The following PAPPA2 variants were observed in gnomAD, a reference collection of about 807,000 sequenced individuals.
PAPPA2 encodes pappalysin-2.
Under a neutral mutation model 176.4 loss-of-function variants are expected in PAPPA2, and 86 were observed. That is an observed-to-expected ratio of 0.49 (90% CI 0.41 to 0.58). The LOEUF is 0.58. Among genes scored for constraint, PAPPA2 ranks in the 20% least tolerant of loss-of-function variants. The pLI is 0.00. For synonymous variants in PAPPA2, 809 were observed against 852.2 expected, an observed-to-expected ratio of 0.95 and a Z score of 0.88; for missense variants, 2,073 against 2,256.9, an observed-to-expected ratio of 0.92 and a Z score of 1.65.
chr1:176,794,342 G>T lies in PAPPA2; in HGVS notation c.5130+673G>T, dbSNP rs1015618333. ...GTGAGGGTAATATCTAGCTTGCATG[G>T]TTGTTATTAAATTTAAAATAACACA... On this transcript the variant is annotated intron_variant, in intron 20 of 22. Coordinates refer to ENST00000367662, the MANE Select transcript of PAPPA2 (RefSeq NM_020318.3). Among the ~76,000 whole-genome samples the T allele has an allele frequency of 3.3e-5, 5 of 152,238 alleles. No homozygotes were observed. In the East Asian group the frequency reaches 9.7e-4, roughly 29 times the overall value.
chr1:176,663,064 T>C (rs953467924), intron 3 of PAPPA2, among the ~76,000 whole-genome samples: 9 of 152,130 alleles, frequency 5.9e-5, no homozygotes, highest in African/African-American at 2.2e-4. Flanking sequence ...CACGCAGGGA[T>C]CATCTCACTT....
chr1:176,762,937 A>G (rs377415283), intron 14 of PAPPA2, among the ~76,000 whole-genome samples: 6 of 152,308 alleles, frequency 3.9e-5, no homozygotes, highest in African/African-American at 1.4e-4. Flanking sequence ...AGTTCTTCCA[A>G]CTTATACATA....
rs983425997 is a variant in PAPPA2, at chr1:176,662,043, T to C, written c.1992-8927T>C. On this transcript the variant is annotated intron_variant, in intron 3 of 22. Coordinates refer to ENST00000367662, the MANE Select transcript of PAPPA2 (RefSeq NM_020318.3). ...CTGAGCTCCTTGAAAACAAGAGCCG[T>C]GTCTTCTGTATCTTTTCATTGCCAG... is the stretch of plus-strand genomic sequence containing the variant. 2.0e-5 allele frequency among the ~76,000 whole-genome samples: 3 copies of C among 152,188 alleles called. No individual in the cohort carries two copies. In the East Asian group the frequency reaches 5.8e-4, roughly 29 times the overall value.
intron 2 of PAPPA2, among the ~76,000 whole-genome samples, chr1:176,587,429 C>A (rs2102638882): frequency 6.6e-6 from 1 of 152,240 alleles, no homozygotes; most frequent in South Asian, 2.1e-4. Flanking sequence ...TGGGGTTTTA[C>A]ATTTAAGTCT....
At chr1:176,617,647 C>CATATATATATATATATATAT (rs150600721) in intron 3 of PAPPA2, among the ~76,000 whole-genome samples, 54 of 147,900 alleles carry the variant, frequency 3.7e-4, no homozygotes, top group African/African-American at 1.2e-3. Flanking sequence ...TTCCATGGCG[C>CATATATATATATATATATAT]ATATATATAT....
intron 1 of PAPPA2, among the ~76,000 whole-genome samples, chr1:176,496,591 T>C (rs759798762): frequency 1.2e-4 from 19 of 152,132 alleles, no homozygotes; most frequent in Non-Finnish European, 2.8e-4. Flanking sequence ...TGGAAGTTCC[T>C]TACTTTGTCC....
At chr1:176,651,868 G>A (rs965183933) in intron 3 of PAPPA2, among the ~76,000 whole-genome samples, 43 of 151,408 alleles carry the variant, frequency 2.8e-4, no homozygotes, top group Middle Eastern at 3.4e-3. Context: ...GTATTTTCAA[G>A]TAATCTGTCT....
At chr1:176,641,965 C>T (rs1303670559) in intron 3 of PAPPA2, among the ~76,000 whole-genome samples, 2 of 151,848 alleles carry the variant, frequency 1.3e-5, no homozygotes, top group Admixed American at 6.6e-5. Flanking sequence ...CCTAGAACTG[C>T]CATTTGACTC....
intron 1 of PAPPA2, among the ~76,000 whole-genome samples, chr1:176,512,231 A>G (rs1371613943): frequency 2.0e-5 from 3 of 151,462 alleles, no homozygotes; most frequent in Non-Finnish European, 4.4e-5. Context: ...CAAAAAAAAA[A>G]AAAAAAAAAA....
At chr1:176,491,877 G>T (rs897056702) in intron 1 of PAPPA2, among the ~76,000 whole-genome samples, 3 of 152,164 alleles carry the variant, frequency 2.0e-5, no homozygotes, top group African/African-American at 7.2e-5. Flanking sequence ...GACATGAAAT[G>T]ATTTAGCAAA....
chr1:176,519,075 A>G (rs140209026), intron 1 of PAPPA2, among the ~76,000 whole-genome samples: 256 of 152,350 alleles, frequency 1.7e-3, no homozygotes, highest in African/African-American at 2.6e-3. Context: ...GGAAGATGGT[A>G]AAAGTCACAC....
At chr1:176,639,559 C>T (rs1656946788) in intron 3 of PAPPA2, among the ~76,000 whole-genome samples, 2 of 152,038 alleles carry the variant, frequency 1.3e-5, no homozygotes, top group South Asian at 2.1e-4. Flanking sequence ...CTTCCATTTT[C>T]CCTGCCTACT....
At chr1:176,714,541 C>T (rs1475794182) in intron 12 of PAPPA2, among the ~76,000 whole-genome samples, 2 of 152,062 alleles carry the variant, frequency 1.3e-5, no homozygotes, top group Non-Finnish European at 2.9e-5. Context: ...CAGAATAAAA[C>T]CTGTTTTTTA....
intron 12 of PAPPA2, among the ~76,000 whole-genome samples, chr1:176,738,036 G>T (rs1315384917): frequency 6.6e-6 from 1 of 152,056 alleles, no homozygotes; most frequent in Non-Finnish European, 1.5e-5. Context: ...TTCTTTTGTG[G>T]TGTATGAAAA....
chr1:176,755,458 C>T (rs1378541500), intron 14 of PAPPA2, among the ~76,000 whole-genome samples: 2 of 152,174 alleles, frequency 1.3e-5, no homozygotes, highest in Non-Finnish European at 1.5e-5. Flanking sequence ...AACTTCATCA[C>T]GGGGCTGTAT....
rs767912901 is a variant in PAPPA2 at position 176,793,688 on chromosome 1, T to C, written c.5130+19T>C. 1.1e-5 allele frequency: 17 copies of C among 1,545,762 alleles called. No individual in the cohort carries two copies. The South Asian group carries it at 1.7e-4, about 16-fold the overall frequency. ...AGTCCAGGTGAGGAAAGGGACATTG[T>C]TATGTGCCAAAGACATGAGTCTGCT... On this transcript the variant is annotated intron_variant, in intron 20 of 22. Transcript: ENST00000367662.
intron 3 of PAPPA2, 121 bp from the exon 4 acceptor site, chr1:176,670,849 A>G: frequency 3.2e-6 from 4 of 1,267,634 alleles, no homozygotes; most frequent in Non-Finnish European, 4.4e-6. Context: ...TCTCTGCCCC[A>G]TGCCCCTCCA....
At chr1:176,510,844 CACACAT>C (rs1475927932) in intron 1 of PAPPA2, among the ~76,000 whole-genome samples, 78 of 150,560 alleles carry the variant, frequency 5.2e-4, no homozygotes, top group African/African-American at 1.8e-3. Flanking sequence ...CACACACACA[CACACAT>C]ACCCCAAAAA....
chr1:176,659,135 G>C (rs571464154), intron 3 of PAPPA2, among the ~76,000 whole-genome samples: 3 of 152,100 alleles, frequency 2.0e-5, no homozygotes, highest in African/African-American at 7.2e-5. Flanking sequence ...ATATCAATGA[G>C]ATATATGACC....
Sources: gnomAD v4.1 joint callset for allele counts (sites outside exome capture counted in the v4.1 genomes callset) on GRCh38, gnomAD v4.1.1 for gene constraint, MANE v1.5 for transcripts, NCBI Gene and HGNC (gene_info 2026-07-23, HGNC 2026-07-21) for gene names.